The following CADM2 variants were observed in gnomAD, a reference collection of about 807,000 sequenced individuals.
CADM2 encodes the protein cell adhesion molecule 2.
Under a neutral mutation model 49.8 loss-of-function variants are expected in CADM2, and 12 were observed. That is an observed-to-expected ratio of 0.24 (90% CI 0.15 to 0.39). The LOEUF (loss-of-function observed/expected upper bound fraction) is 0.39. Ranked by LOEUF, CADM2 falls within the 10% of genes least tolerant of loss-of-function variation. The probability of loss-of-function intolerance (pLI) is 1.00; values close to 1 mark genes in which losing one functional copy is unlikely to be tolerated. For missense variants in CADM2, 378 were observed against 492.3 expected (o/e 0.77, Z 2.20); for synonymous variants, 214 against 175.4 (o/e 1.22, Z -1.74).
At chr3:85,219,061 A>G (rs1559727164) in intron 1 of CADM2, among the ~76,000 whole-genome samples, 1 of 152,174 alleles carries the variant, frequency 6.6e-6, no homozygotes, top group Non-Finnish European at 1.5e-5. Context: ...TTATCTCAAC[A>G]TCAATTTGAA....
intron 1 of CADM2, among the ~76,000 whole-genome samples, chr3:85,499,042 G>C (rs1197104140): frequency 1.3e-5 from 2 of 152,038 alleles, no homozygotes; most frequent in African/African-American, 4.8e-5. Context: ...TCAAAATGTT[G>C]TTTCAATAGC....
intron 5 of CADM2, among the ~76,000 whole-genome samples, chr3:85,892,664 T>A (rs927671799): frequency 7.9e-5 from 12 of 152,114 alleles, no homozygotes; most frequent in Admixed American, 6.6e-4. Context: ...GAATTGTGAG[T>A]CCATTAACCC....
At chr3:85,767,344 T>C (rs556720316) in intron 2 of CADM2, among the ~76,000 whole-genome samples, 265 of 152,308 alleles carry the variant, frequency 1.7e-3, no homozygotes, top group Non-Finnish European at 3.2e-3. Context: ...AATGAAATGA[T>C]AAAGTGTGCT....
At chr3:85,537,728 C>T (rs778741165) in intron 1 of CADM2, among the ~76,000 whole-genome samples, 23 of 145,564 alleles carry the variant, frequency 1.6e-4, no homozygotes, top group Non-Finnish European at 3.0e-4. Context: ...ATAATAGTAT[C>T]CCTTCTGAGG....
intron 7 of CADM2, among the ~76,000 whole-genome samples, chr3:85,947,203 C>A (rs576654426): frequency 6.6e-6 from 1 of 152,098 alleles, no homozygotes; most frequent in Admixed American, 6.6e-5. Flanking sequence ...AAATGCTCAT[C>A]ATCACTGGCC....
At chr3:85,712,580 T>C (rs2067149932) in intron 1 of CADM2, among the ~76,000 whole-genome samples, 1 of 152,210 alleles carries the variant, frequency 6.6e-6, no homozygotes, top group Non-Finnish European at 1.5e-5. Flanking sequence ...TTTATTTTCA[T>C]ATGACCTGAG....
At chr3:85,347,203 CAG>C (rs141801910) in intron 1 of CADM2, among the ~76,000 whole-genome samples, 13,448 of 106,490 alleles carry the variant, frequency 0.13, 834 homozygotes, top group African/African-American at 0.17. Context: ...GACTGGTCAA[CAG>C]AGTGACACTC....
chr3:84,992,094 C>G (rs2107180752), intron 1 of CADM2, among the ~76,000 whole-genome samples: 1 of 152,118 alleles, frequency 6.6e-6, no homozygotes, highest in East Asian at 1.9e-4. Flanking sequence ...ATACATTTGT[C>G]CAGACTCATA....
intron 3 of CADM2, among the ~76,000 whole-genome samples, chr3:85,870,652 A>G (rs1469030220): frequency 6.6e-6 from 1 of 152,174 alleles, no homozygotes; most frequent in Non-Finnish European, 1.5e-5. Flanking sequence ...TCTACCAATG[A>G]TGGACATTTA....
chr3:85,533,766 A>G (rs1484658692), intron 1 of CADM2, among the ~76,000 whole-genome samples: 2 of 152,204 alleles, frequency 1.3e-5, no homozygotes, highest in Non-Finnish European at 2.9e-5. Flanking sequence ...AGGAAGCAGA[A>G]GGTGAGTTTG....
intron 1 of CADM2, among the ~76,000 whole-genome samples, chr3:85,127,212 A>G (rs1486239635): frequency 6.6e-6 from 1 of 152,234 alleles, no homozygotes; most frequent in Non-Finnish European, 1.5e-5. Flanking sequence ...TGTGGAAAAC[A>G]TATCTACCAA....
At chr3:84,959,817 A>T in intron 1 of CADM2, 149 bp downstream of exon 1, 1 of 742,558 alleles carries the variant, frequency 1.3e-6, no homozygotes, top group Non-Finnish European at 2.2e-6. Context: ...GGCAGGGGGC[A>T]GTGGCAGTTT....
At chr3:85,106,350 G>T (rs977192703) in intron 1 of CADM2, among the ~76,000 whole-genome samples, 2 of 152,064 alleles carry the variant, frequency 1.3e-5, no homozygotes, top group Non-Finnish European at 2.9e-5. Context: ...AGCACAAAAG[G>T]CAAATAGCTA....
chr3:86,052,462 G>A (rs895065658), intron 8 of CADM2, among the ~76,000 whole-genome samples: 1 of 152,106 alleles, frequency 6.6e-6, no homozygotes, highest in Admixed American at 6.6e-5. Context: ...GCATCTTAGA[G>A]CTTTCAGTTA....
chr3:85,665,055 G>T (rs541255753), intron 1 of CADM2, among the ~76,000 whole-genome samples: 2 of 151,986 alleles, frequency 1.3e-5, no homozygotes, highest in South Asian at 4.1e-4. Flanking sequence ...ACATAATAGG[G>T]TTTCATTCAA....
chr3:85,001,311 A>G (rs1390188203), intron 1 of CADM2, among the ~76,000 whole-genome samples: 4 of 151,918 alleles, frequency 2.6e-5, no homozygotes, highest in Non-Finnish European at 5.9e-5. Context: ...TCTATTTTTA[A>G]TATTTTAGTT....
At chr3:85,081,273 A>T (rs1036201340) in intron 1 of CADM2, among the ~76,000 whole-genome samples, 1 of 152,082 alleles carries the variant, frequency 6.6e-6, no homozygotes, top group African/African-American at 2.4e-5. Flanking sequence ...ACATCTACCC[A>T]CTATGTGACC....
At chr3:85,225,925 C>T (rs571627516) in intron 1 of CADM2, among the ~76,000 whole-genome samples, 1 of 152,300 alleles carries the variant, frequency 6.6e-6, no homozygotes, top group Admixed American at 6.5e-5. Flanking sequence ...GTATGTTGAA[C>T]CAGCCTTGCA....
At chr3:85,773,335 C>T (rs892108990) in intron 2 of CADM2, among the ~76,000 whole-genome samples, 4 of 151,892 alleles carry the variant, frequency 2.6e-5, no homozygotes, top group African/African-American at 9.7e-5. Flanking sequence ...GTAAGATGGG[C>T]AATGCAGACC....
Sources: gnomAD v4.1 joint callset for allele counts (sites outside exome capture counted in the v4.1 genomes callset) on GRCh38, gnomAD v4.1.1 for gene constraint, MANE v1.5 for transcripts, NCBI Gene and HGNC (gene_info 2026-07-23, HGNC 2026-07-21) for gene names.